Variants in EPHA3 observed in about 807,000 individuals in gnomAD.
EPHA3 encodes the protein EPH receptor A3.
Under a neutral mutation model 107.1 loss-of-function variants are expected in EPHA3, and 42 were observed. That is an observed-to-expected ratio of 0.39 (90% CI 0.31 to 0.51). The LOEUF is 0.51. Ranked by LOEUF, EPHA3 falls within the 20% of genes least tolerant of loss-of-function variation. EPHA3 has a pLI of 0.78. For missense variants in EPHA3, 1,183 were observed against 1,211.2 expected, an observed-to-expected ratio of 0.98 and a Z score of 0.35; for synonymous variants, 461 against 424.8, an observed-to-expected ratio of 1.09 and a Z score of -1.05.
intron 1 of EPHA3, among the ~76,000 whole-genome samples, chr3:89,117,711 T>A (rs1235347650): frequency 6.6e-6 from 1 of 151,222 alleles, no homozygotes; most frequent in Non-Finnish European, 1.5e-5. Context: ...TATGGCATAA[T>A]TTTTTTTTGA....
At chr3:89,126,648 A>AGTTTTTGTGT (rs1704103098) in intron 1 of EPHA3, among the ~76,000 whole-genome samples, 1 of 151,662 alleles carries the variant, frequency 6.6e-6, no homozygotes, top group African/African-American at 2.4e-5. Flanking sequence ...TCAAATTGGT[A>AGTTTTTGTGT]GTTAAGCTTT....
chr3:89,129,585 T>G (rs1482409721), intron 2 of EPHA3, among the ~76,000 whole-genome samples: 1 of 149,060 alleles, frequency 6.7e-6, no homozygotes, highest in Non-Finnish European at 1.5e-5. Context: ...TAGTGCAGAT[T>G]TAGAAAACAT....
chr3:89,381,228 T>C (rs1273277931), intron 5 of EPHA3, among the ~76,000 whole-genome samples: 1 of 151,904 alleles, frequency 6.6e-6, no homozygotes, highest in African/African-American at 2.4e-5. Context: ...TGCCTCGGCC[T>C]CCCAGAGTGC....
intron 5 of EPHA3, among the ~76,000 whole-genome samples, chr3:89,368,898 C>T (rs1708237477): frequency 6.6e-6 from 1 of 150,520 alleles, no homozygotes; most frequent in African/African-American, 2.4e-5. Context: ...ATAAAATTAA[C>T]CTTCATAGTT....
At chr3:89,399,851 CT>C in intron 7 of EPHA3, 4 of 1,082,654 alleles carry the variant, frequency 3.7e-6, no homozygotes, top group Non-Finnish European at 4.5e-6. Context: ...AAAAAAGAAA[CT>C]TGCTGATCCA....
intron 3 of EPHA3, among the ~76,000 whole-genome samples, chr3:89,333,212 A>G (rs186951623): frequency 1.3e-3 from 201 of 152,172 alleles, no homozygotes; most frequent in African/African-American, 4.6e-3. Flanking sequence ...ACTTGTTTCC[A>G]TATTATTTTT....
At chr3:89,265,009 T>C (rs1402430812) in intron 3 of EPHA3, among the ~76,000 whole-genome samples, 1 of 152,148 alleles carries the variant, frequency 6.6e-6, no homozygotes, top group Non-Finnish European at 1.5e-5. Flanking sequence ...AATGTAGTAA[T>C]TTTAAGATTC....
At chr3:89,433,291 G>A (rs1709604224) in intron 13 of EPHA3, among the ~76,000 whole-genome samples, 1 of 150,186 alleles carries the variant, frequency 6.7e-6, no homozygotes, top group South Asian at 2.1e-4. Flanking sequence ...AATTTTAAAA[G>A]TTTATTCCCG....
intron 3 of EPHA3, among the ~76,000 whole-genome samples, chr3:89,285,680 T>C (rs1706065558): frequency 6.6e-6 from 1 of 152,212 alleles, no homozygotes; most frequent in African/African-American, 2.4e-5. Context: ...CGAATATTAA[T>C]GTTTCCAAAA....
chr3:89,325,442 T>C (rs970905215), intron 3 of EPHA3, among the ~76,000 whole-genome samples: 3 of 152,170 alleles, frequency 2.0e-5, no homozygotes, highest in African/African-American at 7.2e-5. Context: ...ACCTCATGCG[T>C]GAAACCTTTC....
chr3:89,318,274 G>T (rs1706957432), intron 3 of EPHA3, among the ~76,000 whole-genome samples: 1 of 151,826 alleles, frequency 6.6e-6, no homozygotes, highest in Non-Finnish European at 1.5e-5. Flanking sequence ...GCAGTGAAAA[G>T]AAAACTTACT....
chr3:89,261,713 G>A (rs1363987060), intron 3 of EPHA3, among the ~76,000 whole-genome samples: 2 of 152,060 alleles, frequency 1.3e-5, no homozygotes, highest in Non-Finnish European at 2.9e-5. Flanking sequence ...ACAAGTATCA[G>A]ATACGCACTC....
chr3:89,292,741 T>TAC lies in EPHA3; in HGVS notation c.815-48165_815-48164dup, dbSNP rs1257606398. Among the ~76,000 whole-genome samples, 6 of 152,256 alleles carry TAC rather than the reference T, an allele frequency of 3.9e-5. No individual in the cohort carries two copies. In the East Asian group the frequency reaches 1.2e-3, roughly 29 times the overall value. Reference sequence around the variant, plus strand: ...TCGTTTAACTTTGTTCTTTTCCTCTTACACACACACATAGAAAATGACTAC... The same window carrying TAC: ...TCGTTTAACTTTGTTCTTTTCCTCTTACACACACACACATAGAAAATGACTAC... On this transcript the variant is annotated intron_variant, in intron 3 of 16. Coordinates refer to ENST00000336596, the MANE Select transcript of EPHA3 (RefSeq NM_005233.6).
chr3:89,195,500 G>C (rs1391181565), intron 2 of EPHA3, among the ~76,000 whole-genome samples: 1 of 152,062 alleles, frequency 6.6e-6, no homozygotes. Context: ...CCATTACCTT[G>C]AACATAAAAT....
intron 3 of EPHA3, among the ~76,000 whole-genome samples, chr3:89,248,068 A>G (rs1705077764): frequency 2.6e-5 from 4 of 152,200 alleles, no homozygotes; most frequent in African/African-American, 9.7e-5. Context: ...TTTTCTCAAT[A>G]TATCAAGTCA....
Position 89,452,883 on chromosome 3 carries a change from A to G in EPHA3, c.2690+2513A>G, listed in dbSNP as rs188793288. On this transcript the variant is annotated intron_variant, in intron 15 of 16. Coordinates refer to ENST00000336596, the MANE Select transcript of EPHA3 (RefSeq NM_005233.6). ...TAAATGCACATTACCTGTTTTTTAC[A>G]TAATAGTTTAATAAGTTAAGTAGGA... Among the ~76,000 whole-genome samples, 657 of 152,262 alleles carry G rather than the reference A, an allele frequency of 4.3e-3. 4 individuals are homozygous for G. Among genetic ancestry groups the G allele is most frequent in the African/African-American group, 0.015 (618 of 41,562 alleles).
At chr3:89,281,848 T>G (rs1705955923) in intron 3 of EPHA3, among the ~76,000 whole-genome samples, 1 of 152,192 alleles carries the variant, frequency 6.6e-6, no homozygotes, top group African/African-American at 2.4e-5. Flanking sequence ...TTATGCGCAC[T>G]GTAAAAAAGC....
chr3:89,323,216 T>C (rs1707083412), intron 3 of EPHA3, among the ~76,000 whole-genome samples: 2 of 152,152 alleles, frequency 1.3e-5, no homozygotes, highest in South Asian at 4.1e-4. Flanking sequence ...TTTATATAAA[T>C]GTGTGTCAAT....
intron 3 of EPHA3, among the ~76,000 whole-genome samples, chr3:89,235,776 A>T (rs1704744321): frequency 6.6e-6 from 1 of 151,936 alleles, no homozygotes; most frequent in Admixed American, 6.5e-5. Flanking sequence ...ATATTAAAAT[A>T]AAAAATCAGT....
Sources: gnomAD v4.1 joint callset for allele counts (sites outside exome capture counted in the v4.1 genomes callset) on GRCh38, gnomAD v4.1.1 for gene constraint, MANE v1.5 for transcripts, NCBI Gene and HGNC (gene_info 2026-07-23, HGNC 2026-07-21) for gene names.